Variants in CRY1 observed in about 807,000 individuals in gnomAD.
CRY1 encodes cryptochrome-1.
A neutral mutation model predicts 76.0 loss-of-function variants in CRY1; 45 were observed. The ratio of observed to expected loss-of-function variants is 0.59; its 90% CI spans 0.47 to 0.76. The LOEUF is 0.76. CRY1 is among the 30% of genes least tolerant of loss of function. CRY1 has a pLI of 0.00. For synonymous variants in CRY1, 248 were observed against 244.0 expected (o/e 1.02, Z -0.15); for missense variants, 587 against 716.4 (o/e 0.82, Z 2.06).
chr12:107,068,919 T>C (rs1264664771), intron 1 of CRY1, among the ~76,000 whole-genome samples: 3 of 152,232 alleles, frequency 2.0e-5, no homozygotes, highest in Non-Finnish European at 4.4e-5. Flanking sequence ...TTTCTTTTTA[T>C]GGTTCCATCA....
Position 106,999,535 on chromosome 12 carries a change from C to T in CRY1, c.1137+16G>A. 6.3e-7 allele frequency: 1 copy of T among 1,587,982 alleles called. No homozygotes were observed. The highest frequency in any genetic ancestry group is 8.6e-7 in the Non-Finnish European group (1 of 1,168,374). ...TCCTTCAAAATAAGGCATGCTATATCAGTTAGAACACTTACCTTCATTCCT... is the reference window on the plus strand; with the variant it reads ...TCCTTCAAAATAAGGCATGCTATATTAGTTAGAACACTTACCTTCATTCCT... On this transcript the variant is annotated intron_variant, in intron 7 of 12. Transcript: ENST00000008527.
intron 1 of CRY1, among the ~76,000 whole-genome samples, chr12:107,037,697 TTTTA>T (rs138096287): frequency 0.15 from 22,683 of 150,898 alleles, 3,262 homozygotes; most frequent in African/African-American, 0.37. Context: ...TTAGAAATTA[TTTTA>T]TTTATTTATT....
chr12:107,087,154 A>G (rs954562321), intron 1 of CRY1, among the ~76,000 whole-genome samples: 1 of 152,234 alleles, frequency 6.6e-6, no homozygotes, highest in South Asian at 2.1e-4. Context: ...TTAGACTCCA[A>G]TCCATGAGAG....
intron 1 of CRY1, among the ~76,000 whole-genome samples, chr12:107,080,686 G>A (rs1253310947): frequency 6.6e-6 from 1 of 151,984 alleles, no homozygotes; most frequent in Non-Finnish European, 1.5e-5. Flanking sequence ...AAAAAGTCAG[G>A]GAATGGGCAG....
intron 5 of CRY1, 144 bp downstream of exon 5, chr12:107,001,132 TCAAA>T (rs1045631205): frequency 1.7e-6 from 1 of 595,912 alleles, no homozygotes; most frequent in South Asian, 2.6e-5. Context: ...TAGTTAACTT[TCAAA>T]CAATTAGGTT....
chr12:107,054,792 A>G (rs1192049588), intron 1 of CRY1, among the ~76,000 whole-genome samples: 1 of 152,052 alleles, frequency 6.6e-6, no homozygotes, highest in Non-Finnish European at 1.5e-5. Flanking sequence ...CAGGTTAATA[A>G]TCATCTAAAT....
chr12:107,010,052 A>G (rs982348049), intron 2 of CRY1, among the ~76,000 whole-genome samples: 3 of 152,124 alleles, frequency 2.0e-5, no homozygotes, highest in African/African-American at 4.8e-5. Context: ...TACAAATTCA[A>G]TTTATTTAAG....
intron 1 of CRY1, among the ~76,000 whole-genome samples, chr12:107,066,040 T>C (rs1953105653): frequency 1.3e-5 from 2 of 152,182 alleles, no homozygotes; most frequent in Admixed American, 1.3e-4. Context: ...TAAAGTATCA[T>C]AAGGCTCATT....
intron 7 of CRY1, among the ~76,000 whole-genome samples, chr12:106,999,096 G>A (rs1952270998): frequency 6.9e-6 from 1 of 145,702 alleles, no homozygotes; most frequent in Non-Finnish European, 1.5e-5. Flanking sequence ...TAATCCACAA[G>A]ATGTCGTCAC....
In CRY1 at chr12:107,060,151, T is replaced by C. The variant is rs138045383; in HGVS notation, c.158+32653A>G. Reference sequence around the variant, plus strand: ...AGTATGCTAAGTATTTTTCTTTATCTCATTTAATACTCAAACAATTCTATG... The same window carrying C: ...AGTATGCTAAGTATTTTTCTTTATCCCATTTAATACTCAAACAATTCTATG... On this transcript the variant is annotated intron_variant, in intron 1 of 12. Transcript: ENST00000008527. Among the ~76,000 whole-genome samples the C allele has an allele frequency of 1.1e-3, 162 of 152,336 alleles. 1 individual carries two copies. The highest frequency in any genetic ancestry group is 1.3e-3 in the Non-Finnish European group (87 of 68,036).
At chr12:107,020,450 T>C in intron 2 of CRY1, among the ~76,000 whole-genome samples, 1 of 152,124 alleles carries the variant, frequency 6.6e-6, no homozygotes, top group African/African-American at 2.4e-5. Context: ...AAGTGGAGCC[T>C]GGTGGGAGGT....
chr12:107,021,957 A>AC, intron 2 of CRY1, 127 bp downstream of exon 2: 1 of 682,926 alleles, frequency 1.5e-6, no homozygotes, highest in Non-Finnish European at 2.4e-6. Flanking sequence ...AAGAAAAAAA[A>AC]CCCACAAAAT....
chr12:107,008,914 T>G (rs1593499108), intron 2 of CRY1, among the ~76,000 whole-genome samples: 1 of 152,200 alleles, frequency 6.6e-6, no homozygotes, highest in Non-Finnish European at 1.5e-5. Flanking sequence ...TCCTCCATCT[T>G]CCACTAGGAT....
At chr12:107,013,607 G>T (rs1952467969) in intron 2 of CRY1, among the ~76,000 whole-genome samples, 1 of 152,084 alleles carries the variant, frequency 6.6e-6, no homozygotes, top group African/African-American at 2.4e-5. Flanking sequence ...GTAATTGTTA[G>T]CTACTAAAGG....
chr12:107,021,142 G>C (rs1329815451), intron 2 of CRY1, among the ~76,000 whole-genome samples: 2 of 152,140 alleles, frequency 1.3e-5, no homozygotes, highest in African/African-American at 4.8e-5. Context: ...AATTAGCCAG[G>C]CATGGTGGCG....
intron 1 of CRY1, among the ~76,000 whole-genome samples, chr12:107,085,676 G>C (rs939079041): frequency 2.0e-5 from 3 of 152,084 alleles, no homozygotes; most frequent in Non-Finnish European, 4.4e-5. Flanking sequence ...GAGGGGCAAG[G>C]GGATGGAGAC....
In CRY1 at chr12:107,076,103, G is replaced by T. The variant is rs185942151; in HGVS notation, c.158+16701C>A. Among the ~76,000 whole-genome samples the T allele has an allele frequency of 2.5e-3, 384 of 151,786 alleles. 4 individuals are homozygous for T. Among genetic ancestry groups the T allele is most frequent in the African/African-American group, 9.1e-3 (376 of 41,362 alleles). On this transcript the variant is annotated intron_variant, in intron 1 of 12. Coordinates refer to ENST00000008527, the MANE Select transcript of CRY1 (RefSeq NM_004075.5). ...AGGCCAGTGCAGGTAATACACGATA[G>T]GAAATTATCAGGTATTCAAGTATGC...
chr12:107,061,964 T>C (rs1321632192), intron 1 of CRY1, among the ~76,000 whole-genome samples: 3 of 134,476 alleles, frequency 2.2e-5, no homozygotes, highest in African/African-American at 8.8e-5. Context: ...TGGAGGCGGA[T>C]GCAGTGAGCC....
intron 1 of CRY1, among the ~76,000 whole-genome samples, chr12:107,066,541 G>C (rs563493397): frequency 1.7e-4 from 26 of 150,528 alleles, no homozygotes; most frequent in Non-Finnish European, 3.0e-5. Flanking sequence ...CTGCAGCCTC[G>C]ACCTCCCAGG....
Sources: gnomAD v4.1 joint callset for allele counts (sites outside exome capture counted in the v4.1 genomes callset) on GRCh38, gnomAD v4.1.1 for gene constraint, MANE v1.5 for transcripts, NCBI Gene and HGNC (gene_info 2026-07-23, HGNC 2026-07-21) for gene names.